The following DLD variants were observed in gnomAD, a reference collection of about 807,000 sequenced individuals.
DLD encodes the protein dihydrolipoyl dehydrogenase, mitochondrial.
A neutral mutation model predicts 62.2 loss-of-function variants in DLD; 36 were observed. The ratio of observed to expected loss-of-function variants is 0.58; its 90% confidence interval spans 0.44 to 0.76. The LOEUF (loss-of-function observed/expected upper bound fraction) is 0.76. DLD is among the 30% of genes least tolerant of loss of function. The pLI is 0.00. For missense variants in DLD, 541 were observed against 608.6 expected (o/e 0.89, Z 1.17); for synonymous variants, 204 against 199.6 (o/e 1.02, Z -0.19).
Position 107,904,955 on chromosome 7 carries a change from CA to C in DLD, c.338-2del, listed in dbSNP as rs1244747773. The C allele has an allele frequency of 2.5e-6, 4 of 1,607,414 alleles. No homozygotes were observed. Among genetic ancestry groups the C allele is most frequent in the Non-Finnish European group, 3.4e-6 (4 of 1,174,904 alleles). ...AACTAAAGATTAATTGAACAAATTA[CA>C]GTGTCCGAAGTTCGCTTGAATTTAG... is the stretch of plus-strand genomic sequence containing the variant. On this transcript the variant is annotated splice_acceptor_variant, in intron 5 of 13. Coordinates refer to ENST00000205402, the MANE Select transcript of DLD (RefSeq NM_000108.5). LOFTEE classifies it high-confidence loss of function.
intron 2 of DLD, among the ~76,000 whole-genome samples, chr7:107,897,319 A>G (rs1050112465): frequency 1.3e-5 from 2 of 152,186 alleles, no homozygotes; most frequent in African/African-American, 2.4e-5. Context: ...TTGGAAGGCA[A>G]TAGAACATAA....
chr7:107,902,480 A>G, intron 4 of DLD, 87 bp downstream of exon 4: 1 of 1,143,454 alleles, frequency 8.7e-7, no homozygotes, highest in Non-Finnish European at 1.3e-6. Flanking sequence ...AGACAAATAC[A>G]CTTGTTAAAA....
In DLD at chr7:107,916,621, G is replaced by A. The variant is rs112222905; in HGVS notation, c.876-173G>A. 8.7e-3 allele frequency among the ~76,000 whole-genome samples: 1,319 copies of A among 152,116 alleles called. 17 individuals carry two copies. The highest frequency in any genetic ancestry group is 0.03 in the African/African-American group (1,252 of 41,492). The stretch of plus-strand genomic sequence containing the variant: ...TGGGAGGTGGAGGTTGCAGTGAGCC[G>A]AGATTGCACCACTGTACTCCAGTCT... On this transcript the variant is annotated intron_variant, in intron 9 of 13. Coordinates refer to ENST00000205402, the MANE Select transcript of DLD (RefSeq NM_000108.5).
chr7:107,900,769 T>C (rs779119504), intron 2 of DLD, among the ~76,000 whole-genome samples: 10 of 152,108 alleles, frequency 6.6e-5, no homozygotes, highest in Non-Finnish European at 1.2e-4. Flanking sequence ...ATCTTCCTCA[T>C]AGGAAATTCT....
intron 11 of DLD, 85 bp downstream of exon 11, chr7:107,917,547 T>C (rs1048837217): frequency 7.8e-7 from 1 of 1,278,866 alleles, no homozygotes. Flanking sequence ...TTTATCATTA[T>C]GCTAATATAT....
chr7:107,917,803 A>G lies in DLD; in HGVS notation c.1237-121A>G, dbSNP rs994222080. On this transcript the variant is annotated intron_variant, in intron 11 of 13. Coordinates refer to ENST00000205402, the MANE Select transcript of DLD (RefSeq NM_000108.5). ...GTCTTCTGGTCTTTCCTTTCCTTCTATGTGCTTTGCGAACAATTCCCTTCT... is the reference window on the plus strand; with the variant it reads ...GTCTTCTGGTCTTTCCTTTCCTTCTGTGTGCTTTGCGAACAATTCCCTTCT... The G allele has an allele frequency of 9.3e-6, 12 of 1,289,876 alleles. No homozygotes were observed. The African/African-American group carries it at 1.0e-4, about 11-fold the overall frequency. 79.9% of individuals were successfully genotyped at this position (1,289,876 alleles called of 1,614,324 possible).
chr7:107,904,682 T>C (rs1215860823), intron 5 of DLD: 1 of 531,660 alleles, frequency 1.9e-6, no homozygotes, highest in Non-Finnish European at 3.6e-6. Flanking sequence ...CATCGTAAAG[T>C]GTTCAGAGGA....
chr7:107,900,047 A>G (rs973704918), intron 2 of DLD, among the ~76,000 whole-genome samples: 2 of 152,090 alleles, frequency 1.3e-5, no homozygotes, highest in East Asian at 1.9e-4. Flanking sequence ...CAGGGTGGCT[A>G]AAAAGCACAG....
intron 8 of DLD, among the ~76,000 whole-genome samples, chr7:107,908,583 A>ACCTGAG (rs2032065324): frequency 6.6e-6 from 1 of 150,716 alleles, no homozygotes; most frequent in Non-Finnish European, 1.5e-5. Context: ...TGGGAGAATC[A>ACCTGAG]CCTGAGCCTG....
At chr7:107,901,602 G>T in intron 2 of DLD, 136 bp from the exon 3 acceptor site, 1 of 719,938 alleles carries the variant, frequency 1.4e-6, no homozygotes, top group Non-Finnish European at 2.5e-6. Flanking sequence ...ATAAAATAGT[G>T]CAGAAACTAT....
At chr7:107,918,919 A>T in intron 12 of DLD, 91 bp from the exon 13 acceptor site, 2 of 1,048,166 alleles carry the variant, frequency 1.9e-6, no homozygotes, top group Non-Finnish European at 3.0e-6. Context: ...AGGCGTTTTT[A>T]AGATCTAAAA....
rs190439250 is a variant in DLD, at chr7:107,917,182, T to C, written c.1047-91T>C. The C allele has an allele frequency of 5.7e-5, 85 of 1,484,498 alleles. 1 individual carries two copies. The East Asian group carries it at 1.9e-3, about 34-fold the overall frequency. 92.0% of individuals were successfully genotyped at this position (1,484,498 alleles called of 1,614,324 possible). A position where few individuals can be genotyped will look rare whatever the true frequency, so the allele number is the denominator to read the frequency against. Reference sequence around the variant, plus strand: ...ATTTGATGTATTTTTTGGTGACTTGTTTACTGGAAACTTTTGTTACCATAA... The same window carrying C: ...ATTTGATGTATTTTTTGGTGACTTGCTTACTGGAAACTTTTGTTACCATAA... On this transcript the variant is annotated intron_variant, in intron 10 of 13. Transcript: ENST00000205402.
intron 8 of DLD, among the ~76,000 whole-genome samples, chr7:107,910,154 C>T (rs533001550): frequency 3.9e-5 from 6 of 152,222 alleles, no homozygotes; most frequent in East Asian, 1.9e-4. Context: ...CACACCCAGC[C>T]GGGAATTAAC....
intron 7 of DLD, 63 bp from the exon 8 acceptor site, chr7:107,906,204 G>A: frequency 9.7e-7 from 1 of 1,026,012 alleles, no homozygotes; most frequent in Non-Finnish European, 1.5e-6. Flanking sequence ...CCATGGATAT[G>A]GAGGGTCGAC....
chr7:107,919,391 A>G lies in DLD; in HGVS notation c.*132A>G, dbSNP rs538762397. ...TTATGAAACTTTTGGAAGGTATTTA[A>G]TAGGTTTGGACAAAATGGAATACTC... On this transcript the variant is annotated 3_prime_UTR_variant, in exon 14 of 14. Transcript: ENST00000205402. 5.4e-6 allele frequency: 4 copies of G among 740,730 alleles called. No homozygotes were observed. Among genetic ancestry groups the G allele is most frequent in the South Asian group, 1.7e-5 (1 of 60,468 alleles). The allele number at this position is 740,730 out of a possible 1,614,324, so 45.9% of individuals were successfully genotyped here.
At chr7:107,897,879 C>G (rs1437017524) in intron 2 of DLD, among the ~76,000 whole-genome samples, 1 of 152,058 alleles carries the variant, frequency 6.6e-6, no homozygotes, top group East Asian at 1.9e-4. Flanking sequence ...TGAGATACAT[C>G]TTGTAATTAT....
intron 8 of DLD, among the ~76,000 whole-genome samples, chr7:107,914,009 T>G (rs1454639204): frequency 2.6e-5 from 4 of 152,204 alleles, no homozygotes; most frequent in Non-Finnish European, 4.4e-5. Context: ...GTTCTGTTAA[T>G]GTGATGAATC....
At chr7:107,911,281 GTTC>G (rs1369977104) in intron 8 of DLD, among the ~76,000 whole-genome samples, 1 of 152,100 alleles carries the variant, frequency 6.6e-6, no homozygotes, top group Admixed American at 6.5e-5. Flanking sequence ...ATAGCATAAT[GTTC>G]TTATGGTTCA....
At position 107,918,944 on chromosome 7, in the gene DLD, A is replaced by G. The variant is rs376506705; in HGVS notation, c.1375-66A>G. On this transcript the variant is annotated intron_variant, in intron 12 of 13. Transcript: ENST00000205402. ...AAGATCTAAAAGCTTCCCCTCAACA[A>G]TTGCTATCCTATTAGCATGTAGTTT... is the stretch of plus-strand genomic sequence containing the variant. The G allele has an allele frequency of 4.3e-5, 56 of 1,308,250 alleles. No individual in the cohort carries two copies. In the East Asian group the frequency reaches 7.9e-4, roughly 18 times the overall value. The allele number at this position is 1,308,250 out of a possible 1,614,324, so 81.0% of individuals were successfully genotyped here. A position where few individuals can be genotyped will look rare whatever the true frequency, so the allele number is the denominator to read the frequency against.
Sources: gnomAD v4.1 joint callset for allele counts (sites outside exome capture counted in the v4.1 genomes callset) on GRCh38, gnomAD v4.1.1 for gene constraint, MANE v1.5 for transcripts, NCBI Gene and HGNC (gene_info 2026-07-23, HGNC 2026-07-21) for gene names.